The following PSTPIP2 variants were observed in gnomAD, a reference collection of about 807,000 sequenced individuals.
The protein encoded by PSTPIP2 is proline-serine-threonine phosphatase interacting protein 2.
In PSTPIP2, 33 loss-of-function variants were observed where a neutral mutation model predicts 63.3. That is an observed-to-expected ratio of 0.52 (90% CI 0.40 to 0.70). The LOEUF is 0.70. PSTPIP2 is among the 30% of genes least tolerant of loss of function. PSTPIP2 has a pLI of 0.00. For synonymous variants in PSTPIP2, 125 were observed against 132.7 expected, an observed-to-expected ratio of 0.94 and a Z score of 0.40; for missense variants, 312 against 400.7, an observed-to-expected ratio of 0.78 and a Z score of 1.89.
chr18:46,041,270 C>T (rs1908184282), intron 1 of PSTPIP2, among the ~76,000 whole-genome samples: 1 of 152,122 alleles, frequency 6.6e-6, no homozygotes, highest in Non-Finnish European at 1.5e-5. Flanking sequence ...TGTTTTGATA[C>T]AGGGTCTCAC....
Position 46,072,143 on chromosome 18 carries a change from C to T in PSTPIP2, c.33+13G>A. 2.0e-6 allele frequency: 3 copies of T among 1,534,800 alleles called. No individual in the cohort carries two copies. The highest frequency in any genetic ancestry group is 2.6e-6 in the Non-Finnish European group (3 of 1,141,076). On this transcript the variant is annotated intron_variant, in intron 1 of 14. Coordinates refer to ENST00000409746, the MANE Select transcript of PSTPIP2 (RefSeq NM_024430.4). ...CCTGAGCCCCGCGATCCGCTGTCGG[C>T]CCCACGACTTACCCAAAAGTTTCCC...
intron 1 of PSTPIP2, among the ~76,000 whole-genome samples, chr18:46,051,384 A>T (rs1244563434): frequency 6.6e-6 from 1 of 152,060 alleles, no homozygotes; most frequent in Non-Finnish European, 1.5e-5. Flanking sequence ...CTGAGGTGGG[A>T]GAATCACTTG....
chr18:45,994,524 C>T (rs4555240), intron 9 of PSTPIP2, among the ~76,000 whole-genome samples: 1 of 152,146 alleles, frequency 6.6e-6, no homozygotes, highest in South Asian at 2.1e-4. Flanking sequence ...CCCACAGTTT[C>T]TGATTCAATT....
intron 1 of PSTPIP2, among the ~76,000 whole-genome samples, chr18:46,062,969 T>C (rs1309583914): frequency 1.3e-5 from 2 of 152,198 alleles, no homozygotes; most frequent in Non-Finnish European, 2.9e-5. Flanking sequence ...CTCTGACTTC[T>C]GCAAATGTCA....
chr18:46,055,450 A>AG (rs1370942246), intron 1 of PSTPIP2, among the ~76,000 whole-genome samples: 26 of 152,224 alleles, frequency 1.7e-4, no homozygotes, highest in African/African-American at 6.0e-4. Context: ...CCACCCCAGT[A>AG]GCTGGGACTG....
intron 2 of PSTPIP2, among the ~76,000 whole-genome samples, chr18:46,031,957 G>A (rs1019100114): frequency 6.6e-6 from 1 of 152,166 alleles, no homozygotes; most frequent in Admixed American, 6.5e-5. Flanking sequence ...CATAAAACCA[G>A]GGAACAACCA....
At chr18:46,022,187 G>T (rs1907389169) in intron 3 of PSTPIP2, among the ~76,000 whole-genome samples, 1 of 151,854 alleles carries the variant, frequency 6.6e-6, no homozygotes, top group African/African-American at 2.4e-5. Context: ...AGATTTTTAG[G>T]TTTATATAAC....
At chr18:46,060,139 G>A (rs550571701) in intron 1 of PSTPIP2, among the ~76,000 whole-genome samples, 24 of 151,918 alleles carry the variant, frequency 1.6e-4, no homozygotes, top group African/African-American at 4.8e-4. Context: ...GTTTTAAATC[G>A]TCATTTAAAT....
intron 6 of PSTPIP2, among the ~76,000 whole-genome samples, chr18:46,003,745 C>G (rs1273385583): frequency 1.4e-5 from 2 of 146,402 alleles, no homozygotes; most frequent in East Asian, 4.1e-4. Context: ...CTTCTCTCCC[C>G]CTTTCAGAGT....
chr18:46,030,469 C>T (rs1367892398), intron 2 of PSTPIP2, among the ~76,000 whole-genome samples: 1 of 152,154 alleles, frequency 6.6e-6, no homozygotes, highest in East Asian at 1.9e-4. Flanking sequence ...AGATAATGAG[C>T]ATTGTTGTAC....
chr18:46,031,959 GAAC>G (rs1307523701), intron 2 of PSTPIP2, among the ~76,000 whole-genome samples: 1 of 152,114 alleles, frequency 6.6e-6, no homozygotes, highest in African/African-American at 2.4e-5. Context: ...TAAAACCAGG[GAAC>G]AACCACTGAG....
At chr18:46,011,317 G>A (rs766624872) in intron 4 of PSTPIP2, 30 bp from the exon 5 acceptor site, 2 of 1,502,558 alleles carry the variant, frequency 1.3e-6, no homozygotes, top group African/African-American at 1.4e-5. Context: ...AAAAAATCAA[G>A]GTCTACATAT....
At chr18:46,008,651 G>A (rs954147906) in intron 5 of PSTPIP2, among the ~76,000 whole-genome samples, 5 of 151,998 alleles carry the variant, frequency 3.3e-5, no homozygotes, top group Middle Eastern at 3.2e-3. Flanking sequence ...CTGTAACCAC[G>A]GAGGTTCCTT....
intron 2 of PSTPIP2, among the ~76,000 whole-genome samples, chr18:46,037,602 A>G (rs1908027542): frequency 6.6e-6 from 1 of 152,226 alleles, no homozygotes; most frequent in South Asian, 2.1e-4. Flanking sequence ...TGGATCCCCA[A>G]GCCTGGACTG....
At chr18:45,992,711 T>A (rs72642434) in intron 10 of PSTPIP2, among the ~76,000 whole-genome samples, 35,384 of 151,874 alleles carry the variant, frequency 0.23, 5,768 homozygotes, top group African/African-American at 0.45. Flanking sequence ...ATTAATTTTT[T>A]ATTTTTTATT....
At chr18:46,042,391 G>A (rs1440812231) in intron 1 of PSTPIP2, among the ~76,000 whole-genome samples, 1 of 152,026 alleles carries the variant, frequency 6.6e-6, no homozygotes, top group Admixed American at 6.6e-5. Flanking sequence ...CAATTCCCAG[G>A]TTTTCCCGAA....
intron 14 of PSTPIP2, among the ~76,000 whole-genome samples, chr18:45,988,216 C>A (rs2051486819): frequency 6.6e-6 from 1 of 151,836 alleles, no homozygotes; most frequent in African/African-American, 2.4e-5. Context: ...CAGATCACTT[C>A]AGGTCAGGAG....
chr18:46,026,346 G>A lies in PSTPIP2; in HGVS notation c.135-1660C>T, dbSNP rs538375279. ...AGTGTGGTTGTGCATCATTTTATAC[G>A]CTTATTGTTTATTTGCATTTCTTCT... On this transcript the variant is annotated intron_variant, in intron 2 of 14. Coordinates refer to ENST00000409746, the MANE Select transcript of PSTPIP2 (RefSeq NM_024430.4). Among the ~76,000 whole-genome samples, 13 of 152,192 alleles carry A rather than the reference G, an allele frequency of 8.5e-5. No homozygotes were observed. In the East Asian group the frequency reaches 1.9e-3, roughly 23 times the overall value.
At chr18:46,015,316 C>A (rs546539393) in intron 4 of PSTPIP2, among the ~76,000 whole-genome samples, 1 of 152,104 alleles carries the variant, frequency 6.6e-6, no homozygotes, top group East Asian at 1.9e-4. Context: ...AAGACACTCA[C>A]AACAGGGTCC....
Sources: allele counts gnomAD v4.1 joint callset (sites outside exome capture counted in the v4.1 genomes callset), GRCh38; gene constraint gnomAD v4.1.1; transcripts MANE v1.5; gene names NCBI Gene and HGNC (gene_info 2026-07-23, HGNC 2026-07-21).